CNTN6: variants seen among roughly 807,000 people sequenced by gnomAD.
The protein encoded by CNTN6 is contactin-6.
In CNTN6, 137 loss-of-function variants were observed where a neutral mutation model predicts 122.8. That is an observed-to-expected ratio of 1.12 (90% CI 0.97 to 1.29). The LOEUF is 1.29. Ranked by LOEUF, CNTN6 falls within the 50% of genes most tolerant of loss-of-function variation. CNTN6 has a pLI of 0.00. For synonymous variants in CNTN6, 570 were observed against 426.0 expected (o/e 1.34, Z -4.16); for missense variants, 1,634 against 1,223.4 (o/e 1.34, Z -5.01).
rs966951372 is a variant in CNTN6 at position 1,243,505 on chromosome 3, G to A, written c.358+15512G>A. On this transcript the variant is annotated intron_variant, in intron 4 of 22. Transcript: ENST00000446702. ...TTATTTAATGTCGGGAGCAGATTGCGTAATAAAATGTATTTTGAGAATAAG... is the reference window on the plus strand; with the variant it reads ...TTATTTAATGTCGGGAGCAGATTGCATAATAAAATGTATTTTGAGAATAAG... 2.6e-5 allele frequency among the ~76,000 whole-genome samples: 4 copies of A among 151,968 alleles called. No homozygotes were observed. In the East Asian group the frequency reaches 5.8e-4, roughly 22 times the overall value.
chr3:1,244,324 C>T (rs556276934), intron 4 of CNTN6, among the ~76,000 whole-genome samples: 1 of 152,044 alleles, frequency 6.6e-6, no homozygotes, highest in South Asian at 2.1e-4. Context: ...GGGGTTCTTG[C>T]CTCCTAGAAA....
At chr3:1,341,537 A>G (rs1169571429) in intron 11 of CNTN6, among the ~76,000 whole-genome samples, 1 of 152,188 alleles carries the variant, frequency 6.6e-6, no homozygotes, top group African/African-American at 2.4e-5. Context: ...CTGGCATGCC[A>G]TCAGAATAAA....
chr3:1,391,353 A>C (rs1184232479), intron 20 of CNTN6, among the ~76,000 whole-genome samples: 1 of 123,188 alleles, frequency 8.1e-6, no homozygotes, highest in African/African-American at 3.5e-5. Context: ...AAAATTCAAC[A>C]ACCCTTCATG....
intron 4 of CNTN6, among the ~76,000 whole-genome samples, chr3:1,272,050 A>T (rs2095036255): frequency 6.6e-6 from 1 of 152,078 alleles, no homozygotes; most frequent in Non-Finnish European, 1.5e-5. Flanking sequence ...GTCTCACAAG[A>T]TCTAATGGTT....
At chr3:1,132,535 G>T (rs1023438166) in intron 1 of CNTN6, among the ~76,000 whole-genome samples, 9 of 151,712 alleles carry the variant, frequency 5.9e-5, no homozygotes, top group Non-Finnish European at 5.9e-5. Context: ...GAATAGCCTG[G>T]GCAACATAGA....
At chr3:1,300,117 C>A (rs925267794) in intron 7 of CNTN6, among the ~76,000 whole-genome samples, 3 of 152,018 alleles carry the variant, frequency 2.0e-5, no homozygotes, top group Non-Finnish European at 4.4e-5. Flanking sequence ...GCTGGGACTA[C>A]AGGTGCCCGC....
At chr3:1,253,824 T>C (rs1280822123) in intron 4 of CNTN6, among the ~76,000 whole-genome samples, 1 of 152,278 alleles carries the variant, frequency 6.6e-6, no homozygotes, top group Non-Finnish European at 1.5e-5. Flanking sequence ...TAACTGTCTA[T>C]GGCCCAGCAC....
At chr3:1,200,729 G>T (rs952435417) in intron 2 of CNTN6, among the ~76,000 whole-genome samples, 1 of 152,074 alleles carries the variant, frequency 6.6e-6, no homozygotes, top group African/African-American at 2.4e-5. Flanking sequence ...AAGCCCTCAG[G>T]ATTAGTTCCT....
At chr3:1,390,832 TACACTCTCCCA>T (rs1286680519) in intron 20 of CNTN6, among the ~76,000 whole-genome samples, 1 of 150,442 alleles carries the variant, frequency 6.6e-6, no homozygotes, top group Non-Finnish European at 1.5e-5. Context: ...CCTCGACACA[TACACTCTCCCA>T]AGACTAAACC....
At chr3:1,258,932 A>G (rs763851414) in intron 4 of CNTN6, among the ~76,000 whole-genome samples, 2 of 152,146 alleles carry the variant, frequency 1.3e-5, no homozygotes, top group Non-Finnish European at 2.9e-5. Context: ...AGAGCCAGAT[A>G]GTAAATATGT....
chr3:1,317,716 C>G (rs2125952632), intron 7 of CNTN6, among the ~76,000 whole-genome samples: 1 of 151,732 alleles, frequency 6.6e-6, no homozygotes, highest in South Asian at 2.1e-4. Context: ...CTAATTGTCT[C>G]TGGTTGGTTT....
intron 1 of CNTN6, among the ~76,000 whole-genome samples, chr3:1,115,752 A>AAAAT (rs139235012): frequency 0.11 from 16,236 of 151,850 alleles, 2,906 homozygotes; most frequent in African/African-American, 0.37. Flanking sequence ...ACTCTGTCTC[A>AAAAT]AAATAAATAA....
intron 12 of CNTN6, among the ~76,000 whole-genome samples, chr3:1,366,570 A>G (rs1392496140): frequency 2.0e-5 from 3 of 152,140 alleles, no homozygotes; most frequent in Non-Finnish European, 4.4e-5. Flanking sequence ...TTCTTTCCAC[A>G]AAGTAGCATG....
intron 3 of CNTN6, among the ~76,000 whole-genome samples, chr3:1,227,279 T>C (rs1238661136): frequency 6.6e-6 from 1 of 152,242 alleles, no homozygotes; most frequent in East Asian, 1.9e-4. Flanking sequence ...TGAAATATTT[T>C]CAACATGATT....
intron 7 of CNTN6, among the ~76,000 whole-genome samples, chr3:1,316,526 A>T (rs900089363): frequency 6.6e-6 from 1 of 151,806 alleles, no homozygotes; most frequent in Non-Finnish European, 1.5e-5. Flanking sequence ...CCACCCCCAT[A>T]ATCCAGTCAC....
intron 5 of CNTN6, among the ~76,000 whole-genome samples, chr3:1,284,130 T>C (rs1693948708): frequency 6.6e-6 from 1 of 152,240 alleles, no homozygotes; most frequent in East Asian, 1.9e-4. Context: ...GGTAGAACAG[T>C]TGAATTGATG....
At chr3:1,365,762 T>C (rs1708132955) in intron 12 of CNTN6, among the ~76,000 whole-genome samples, 1 of 152,080 alleles carries the variant, frequency 6.6e-6, no homozygotes, top group African/African-American at 2.4e-5. Context: ...CTCAGAGCTT[T>C]TAATATGTTA....
chr3:1,227,922 G>C lies in CNTN6; in HGVS notation c.287G>C (p.Gly96Ala). 1 of 1,614,012 alleles carries C rather than the reference G, an allele frequency of 6.2e-7. No individual in the cohort carries two copies. Among genetic ancestry groups the C allele is most frequent in the Non-Finnish European group, 8.5e-7 (1 of 1,179,956 alleles). The change falls in exon 4 of 23, where the codon GGC becomes GCC. Residue 96 changes from glycine (G) to alanine (A), a missense_variant. Gly to Ala is a moderately conservative substitution (Grantham distance 60, BLOSUM62 0). Coordinates refer to ENST00000446702, the MANE Select transcript of CNTN6 (RefSeq NM_001289080.2). ...INSPHTDQDI[G>A]MYQCLATNLL... ...AGCCCCCACACAGATCAAGATATTG[G>C]CATGTACCAGTGCCTGGCCACCAAT...
intron 2 of CNTN6, among the ~76,000 whole-genome samples, chr3:1,197,708 G>C (rs2093798248): frequency 6.6e-6 from 1 of 152,150 alleles, no homozygotes; most frequent in Non-Finnish European, 1.5e-5. Flanking sequence ...ACTTGGGCAA[G>C]TAACCGCTCT....
Sources: allele counts gnomAD v4.1 joint callset (sites outside exome capture counted in the v4.1 genomes callset), GRCh38; gene constraint gnomAD v4.1.1; transcripts MANE v1.5; gene names NCBI Gene and HGNC (gene_info 2026-07-23, HGNC 2026-07-21).